Variants in PCDH9 observed in about 807,000 individuals in gnomAD.
PCDH9 encodes protocadherin-9.
PCDH9 carries 24 observed loss-of-function variants against 70.6 expected under a neutral mutation model. That is an observed-to-expected ratio of 0.34 (90% CI 0.25 to 0.48). The LOEUF (loss-of-function observed/expected upper bound fraction) is 0.48, where lower values mean the gene tolerates loss of function less well. Among genes scored for constraint, PCDH9 ranks in the 20% least tolerant of loss-of-function variants. PCDH9 has a pLI of 0.99. For synonymous variants in PCDH9, 562 were observed against 558.5 expected, an observed-to-expected ratio of 1.01 and a Z score of -0.09; for missense variants, 1,281 against 1,503.6, an observed-to-expected ratio of 0.85 and a Z score of 2.45.
intron 4 of PCDH9, among the ~76,000 whole-genome samples, chr13:66,391,849 C>T (rs1296354328): frequency 6.8e-6 from 1 of 147,762 alleles, no homozygotes; most frequent in Non-Finnish European, 1.5e-5. Context: ...AAATATGCTT[C>T]AATCATTCTC....
intron 4 of PCDH9, among the ~76,000 whole-genome samples, chr13:66,619,021 T>G (rs553365075): frequency 6.6e-6 from 1 of 152,204 alleles, no homozygotes. Flanking sequence ...AAAATTTTTA[T>G]AGTAAACAAT....
intron 2 of PCDH9, among the ~76,000 whole-genome samples, chr13:67,163,476 A>G (rs1393303899): frequency 6.6e-6 from 1 of 152,212 alleles, no homozygotes; most frequent in Non-Finnish European, 1.5e-5. Flanking sequence ...ATTACATTCT[A>G]TTTAAAATTT....
intron 3 of PCDH9, among the ~76,000 whole-genome samples, chr13:66,829,746 A>AAAAAAAAAAAT (rs2080892394): frequency 1.4e-5 from 2 of 147,064 alleles, no homozygotes; most frequent in African/African-American, 5.0e-5. Context: ...AAAAAAAAAA[A>AAAAAAAAAAAT]TTTCATTTAG....
At chr13:66,329,447 C>T (rs780237666) in intron 4 of PCDH9, among the ~76,000 whole-genome samples, 18 of 152,176 alleles carry the variant, frequency 1.2e-4, no homozygotes, top group Non-Finnish European at 2.4e-4. Flanking sequence ...TCCCACCTCC[C>T]CTTATCTTTC....
intron 2 of PCDH9, among the ~76,000 whole-genome samples, chr13:67,079,356 AAAT>A (rs2085940261): frequency 6.6e-6 from 1 of 152,052 alleles, no homozygotes; most frequent in African/African-American, 2.4e-5. Context: ...AAACTACATA[AAAT>A]AATAGTTTTT....
At chr13:66,782,375 T>C (rs1306363274) in intron 3 of PCDH9, among the ~76,000 whole-genome samples, 1 of 152,160 alleles carries the variant, frequency 6.6e-6, no homozygotes, top group Non-Finnish European at 1.5e-5. Context: ...AGCTGGCAGA[T>C]TGATTGATTT....
At chr13:66,893,682 A>G (rs2082130538) in intron 3 of PCDH9, among the ~76,000 whole-genome samples, 1 of 152,170 alleles carries the variant, frequency 6.6e-6, no homozygotes, top group South Asian at 2.1e-4. Context: ...ATGTGCACGC[A>G]ATAACATATA....
chr13:66,887,987 C>A (rs2082035756), intron 3 of PCDH9, among the ~76,000 whole-genome samples: 1 of 152,116 alleles, frequency 6.6e-6, no homozygotes, highest in African/African-American at 2.4e-5. Flanking sequence ...ATTCTATCCA[C>A]ATATTTTCTA....
chr13:66,821,308 A>C (rs1278845795), intron 3 of PCDH9, among the ~76,000 whole-genome samples: 1 of 152,208 alleles, frequency 6.6e-6, no homozygotes, highest in Non-Finnish European at 1.5e-5. Context: ...GATACTTCAG[A>C]GGATCAGAAA....
At chr13:66,515,439 C>CA (rs201596379) in intron 4 of PCDH9, among the ~76,000 whole-genome samples, 1,642 of 151,650 alleles carry the variant, frequency 0.011, 38 homozygotes, top group East Asian at 0.092. Context: ...ATAAAAGTTC[C>CA]ACGGATAAAA....
chr13:67,157,359 A>G (rs1206488889), intron 2 of PCDH9, among the ~76,000 whole-genome samples: 1 of 152,216 alleles, frequency 6.6e-6, no homozygotes, highest in Non-Finnish European at 1.5e-5. Flanking sequence ...CATTTGTTAA[A>G]ATTTGCATGC....
At chr13:67,202,129 A>G (rs1360518776) in intron 2 of PCDH9, 1 of 152,032 alleles carries the variant, frequency 6.6e-6, no homozygotes, top group Non-Finnish European at 1.5e-5. Context: ...GCAAGGAAAC[A>G]CAAACACACA....
At chr13:67,205,388 A>G (rs2089314024) in intron 2 of PCDH9, 1 of 152,166 alleles carries the variant, frequency 6.6e-6, no homozygotes, top group Admixed American at 6.6e-5. Flanking sequence ...TGCTTACTAT[A>G]CTTATCAGTA....
At chr13:66,670,892 A>T (rs1381013155) in intron 3 of PCDH9, among the ~76,000 whole-genome samples, 4 of 147,316 alleles carry the variant, frequency 2.7e-5, no homozygotes, top group Non-Finnish European at 6.0e-5. Context: ...GCCCTTATCT[A>T]ACATGACTGT....
Position 66,445,794 on chromosome 13 carries a change from T to C in PCDH9, c.3341-140766A>G, listed in dbSNP as rs1958076737. Among the ~76,000 whole-genome samples the C allele has an allele frequency of 2.9e-5, 4 of 138,190 alleles. No homozygotes were observed. The Admixed American group carries it at 3.3e-4, about 11-fold the overall frequency. 90.7% of individuals were successfully genotyped at this position (138,190 alleles called of 152,430 possible). On this transcript the variant is annotated intron_variant, in intron 4 of 4. Coordinates refer to ENST00000377865, the MANE Select transcript of PCDH9 (RefSeq NM_203487.3). ...ATATATTATATATACACATATATAA[T>C]ACATACACATATATTATATATACAC... is the stretch of plus-strand genomic sequence containing the variant.
At chr13:66,903,769 T>C (rs1376218674) in intron 2 of PCDH9, among the ~76,000 whole-genome samples, 164 bp from the exon 3 acceptor site, 1 of 151,966 alleles carries the variant, frequency 6.6e-6, no homozygotes, top group Non-Finnish European at 1.5e-5. Context: ...ACCATAAAGA[T>C]TTTTTAATTG....
chr13:66,596,220 C>T (rs2077100779), intron 4 of PCDH9, among the ~76,000 whole-genome samples: 2 of 151,576 alleles, frequency 1.3e-5, no homozygotes, highest in African/African-American at 2.4e-5. Flanking sequence ...ATTAATATTA[C>T]ATACTGTTTT....
intron 3 of PCDH9, among the ~76,000 whole-genome samples, chr13:66,814,356 A>G (rs1284567850): frequency 6.6e-6 from 1 of 152,124 alleles, no homozygotes; most frequent in Admixed American, 6.5e-5. Context: ...TTATTAAGCT[A>G]TTATTAATTA....
At chr13:66,450,410 A>G (rs529840341) in intron 4 of PCDH9, among the ~76,000 whole-genome samples, 56 of 152,296 alleles carry the variant, frequency 3.7e-4, no homozygotes, top group African/African-American at 1.3e-3. Context: ...CTAGAGAACT[A>G]TGAGTGAAGA....
Sources: gnomAD v4.1 joint callset for allele counts (sites outside exome capture counted in the v4.1 genomes callset) on GRCh38, gnomAD v4.1.1 for gene constraint, MANE v1.5 for transcripts, NCBI Gene and HGNC (gene_info 2026-07-23, HGNC 2026-07-21) for gene names.